SIPA1L3: variants seen among roughly 807,000 people sequenced by gnomAD.
The protein encoded by SIPA1L3 is signal induced proliferation associated 1 like 3.
SIPA1L3 carries 59 observed loss-of-function variants against 150.1 expected under a neutral mutation model. The observed-to-expected ratio is 0.39, with a 90% CI of 0.32 to 0.49. SIPA1L3 has a LOEUF of 0.49. Ranked by LOEUF, SIPA1L3 falls within the 20% of genes least tolerant of loss-of-function variation. The pLI, the probability that SIPA1L3 is intolerant of heterozygous loss-of-function variation, is 0.86. For synonymous variants in SIPA1L3, 1,070 were observed against 1,077.6 expected (o/e 0.99, Z 0.14); for missense variants, 2,211 against 2,489.5 (o/e 0.89, Z 2.38).
chr19:38,207,257 C>G lies in SIPA1L3; in HGVS notation c.*1017C>G, dbSNP rs1392888667. 6.6e-6 allele frequency: 1 copy of G among 151,422 alleles called. No individual in the cohort carries two copies. The highest frequency in any genetic ancestry group is 1.5e-5 in the Non-Finnish European group (1 of 67,884). The allele number at this position is 151,422 out of a possible 1,614,324, so 9.4% of individuals were successfully genotyped here. ...TCTCCCAGCCCATCTCTCCGAGCAGCGGCCACCAGACCCCCTCACCATGCT... is the reference window on the plus strand; with the variant it reads ...TCTCCCAGCCCATCTCTCCGAGCAGGGGCCACCAGACCCCCTCACCATGCT... On this transcript the variant is annotated 3_prime_UTR_variant, in exon 22 of 22. Transcript: ENST00000222345.
intron 13 of SIPA1L3, among the ~76,000 whole-genome samples, chr19:38,157,564 C>T (rs2145970679): frequency 6.6e-6 from 1 of 152,290 alleles, no homozygotes; most frequent in East Asian, 1.9e-4. Flanking sequence ...AGGGTTGCCT[C>T]CATGGTCACC....
intron 11 of SIPA1L3, among the ~76,000 whole-genome samples, chr19:38,141,908 G>A (rs1971595107): frequency 6.6e-6 from 1 of 152,228 alleles, no homozygotes; most frequent in African/African-American, 2.4e-5. Flanking sequence ...CTTGAGCCCA[G>A]AAGTTGGAGG....
intron 4 of SIPA1L3, among the ~76,000 whole-genome samples, chr19:38,095,260 C>G (rs1308575770): frequency 6.6e-6 from 1 of 152,174 alleles, no homozygotes; most frequent in Non-Finnish European, 1.5e-5. Context: ...CTTTCATTGC[C>G]TTGAGGCAGG....
intron 1 of SIPA1L3, among the ~76,000 whole-genome samples, chr19:37,925,527 G>A (rs2046495606): frequency 6.6e-6 from 1 of 151,804 alleles, no homozygotes; most frequent in Non-Finnish European, 1.5e-5. Context: ...TTAGGGTCCT[G>A]CACAGGTTTG....
chr19:37,982,470 T>C (rs1967225361), intron 1 of SIPA1L3, among the ~76,000 whole-genome samples: 1 of 152,224 alleles, frequency 6.6e-6, no homozygotes, highest in African/African-American at 2.4e-5. Flanking sequence ...TGCTTGGTGT[T>C]GCGGTTACTT....
chr19:38,035,487 C>T (rs757820011), intron 2 of SIPA1L3, among the ~76,000 whole-genome samples: 3 of 152,142 alleles, frequency 2.0e-5, no homozygotes, highest in Non-Finnish European at 4.4e-5. Flanking sequence ...ACAGGCTTCT[C>T]CAGGGAGATG....
At chr19:38,183,944 G>A (rs1258353111) in intron 16 of SIPA1L3, among the ~76,000 whole-genome samples, 1 of 152,192 alleles carries the variant, frequency 6.6e-6, no homozygotes, top group African/African-American at 2.4e-5. Flanking sequence ...CAGGAGAAAA[G>A]GGTGAGGCAG....
chr19:38,065,911 T>G (rs868826332), intron 2 of SIPA1L3, among the ~76,000 whole-genome samples: 8 of 106,760 alleles, frequency 7.5e-5, no homozygotes, highest in Non-Finnish European at 1.5e-4. Flanking sequence ...TCTTATTTAT[T>G]TATCTATTTA....
intron 18 of SIPA1L3, among the ~76,000 whole-genome samples, chr19:38,194,070 A>T (rs1170497893): frequency 6.6e-6 from 1 of 152,040 alleles, no homozygotes; most frequent in East Asian, 1.9e-4. Context: ...CTCAGGGTAC[A>T]GGCCTAGGGA....
chr19:38,204,303 C>G, intron 21 of SIPA1L3, 95 bp downstream of exon 21: 1 of 902,506 alleles, frequency 1.1e-6, no homozygotes, highest in Non-Finnish European at 1.7e-6. Context: ...CATGCAGGAC[C>G]CACCCCACCC....
At chr19:38,055,728 C>T (rs971678832) in intron 2 of SIPA1L3, among the ~76,000 whole-genome samples, 1 of 152,210 alleles carries the variant, frequency 6.6e-6, no homozygotes, top group Non-Finnish European at 1.5e-5. Flanking sequence ...TCTCCCACTG[C>T]GGGCCTGACT....
At chr19:37,919,953 G>A (rs1046065308) in intron 1 of SIPA1L3, among the ~76,000 whole-genome samples, 1 of 150,848 alleles carries the variant, frequency 6.6e-6, no homozygotes, top group African/African-American at 2.4e-5. Context: ...TAGGTGATCT[G>A]CCCACCTTGG....
chr19:38,005,368 G>A (rs1350615761), intron 1 of SIPA1L3, among the ~76,000 whole-genome samples: 1 of 150,918 alleles, frequency 6.6e-6, no homozygotes, highest in Admixed American at 6.6e-5. Flanking sequence ...GCCTCATCCT[G>A]CAGATCCCTG....
intron 7 of SIPA1L3, chr19:38,108,626 C>G (rs1287353495): frequency 6.6e-6 from 1 of 152,240 alleles, no homozygotes; most frequent in Non-Finnish European, 1.5e-5. Context: ...CCGTGGGACT[C>G]CCGTCCATGG....
chr19:37,961,060 G>A (rs2046854271), intron 1 of SIPA1L3, among the ~76,000 whole-genome samples: 1 of 151,814 alleles, frequency 6.6e-6, no homozygotes, highest in Admixed American at 6.6e-5. Context: ...GTAGAGATGG[G>A]GTTTCACCAT....
Position 38,164,439 on chromosome 19 carries a change from C to A in SIPA1L3, c.3781-40C>A. The stretch of plus-strand genomic sequence containing the variant: ...CCCGGCAAGGGAAGATGCGCCCCTG[C>A]CCTGGAGTCTGGGAATGACACGCTT... On this transcript the variant is annotated intron_variant, in intron 14 of 21. Transcript: ENST00000222345. This position sits in a 1 kb window ranked among gnomAD's most constrained non-coding sequence, Gnocchi z 4.1. 1 of 1,559,316 alleles carries A rather than the reference C, an allele frequency of 6.4e-7. No homozygotes were observed. Among genetic ancestry groups the A allele is most frequent in the Non-Finnish European group, 8.7e-7 (1 of 1,143,984 alleles).
intron 1 of SIPA1L3, among the ~76,000 whole-genome samples, chr19:37,970,452 G>A (rs1426643551): frequency 6.6e-6 from 1 of 152,186 alleles, no homozygotes; most frequent in Non-Finnish European, 1.5e-5. Flanking sequence ...TACCTCTAAG[G>A]AGCTCTCCCA....
At chr19:37,932,576 A>G (rs1328689944) in intron 1 of SIPA1L3, 1 of 151,732 alleles carries the variant, frequency 6.6e-6, no homozygotes, top group Non-Finnish European at 1.5e-5. Context: ...CGGCCTGGAG[A>G]GCCAAGGCAG....
intron 15 of SIPA1L3, among the ~76,000 whole-genome samples, chr19:38,169,199 A>G (rs1972273201): frequency 6.6e-6 from 1 of 151,976 alleles, no homozygotes; most frequent in African/African-American, 2.4e-5. Flanking sequence ...GACCAGCCTG[A>G]CCAACACGGT....
Sources: allele counts gnomAD v4.1 joint callset (sites outside exome capture counted in the v4.1 genomes callset), GRCh38; gene constraint gnomAD v4.1.1; non-coding constraint Gnocchi (gnomAD v3.1); transcripts MANE v1.5; gene names NCBI Gene and HGNC (gene_info 2026-07-23, HGNC 2026-07-21).